Variants in ROR1 observed in about 807,000 individuals in gnomAD.
ROR1 encodes the protein inactive tyrosine-protein kinase transmembrane receptor ROR1.
A neutral mutation model predicts 78.8 loss-of-function variants in ROR1; 19 were observed. The observed-to-expected ratio is 0.24, with a 90% CI of 0.17 to 0.35. The LOEUF (loss-of-function observed/expected upper bound fraction) is 0.35, where lower values mean the gene tolerates loss of function less well. Ranked by LOEUF, ROR1 falls within the 10% of genes least tolerant of loss-of-function variation. ROR1 has a pLI of 1.00. For missense variants in ROR1, 917 were observed against 1,177.8 expected, an observed-to-expected ratio of 0.78 and a Z score of 3.24; for synonymous variants, 386 against 433.6, an observed-to-expected ratio of 0.89 and a Z score of 1.36.
chr1:64,107,218 A>G (rs1201807999), intron 4 of ROR1, among the ~76,000 whole-genome samples: 1 of 152,076 alleles, frequency 6.6e-6, no homozygotes, highest in Non-Finnish European at 1.5e-5. Flanking sequence ...TGTTGCCCCC[A>G]TTTTGCAGAC....
At chr1:63,799,559 T>A (rs1318380371) in intron 1 of ROR1, among the ~76,000 whole-genome samples, 1 of 152,158 alleles carries the variant, frequency 6.6e-6, no homozygotes, top group Non-Finnish European at 1.5e-5. Flanking sequence ...TGTTTATAGC[T>A]CTTAGTTCCT....
intron 4 of ROR1, among the ~76,000 whole-genome samples, chr1:64,083,777 C>T (rs1361371843): frequency 1.3e-4 from 20 of 152,022 alleles, no homozygotes; most frequent in Admixed American, 1.2e-3. Context: ...AAGAACCTCA[C>T]GCTTAGAATG....
At chr1:63,796,952 A>C (rs138643392) in intron 1 of ROR1, among the ~76,000 whole-genome samples, 55 of 152,316 alleles carry the variant, frequency 3.6e-4, no homozygotes, top group African/African-American at 1.1e-3. Flanking sequence ...TCAAGCATAT[A>C]TGAAAGTGCT....
chr1:64,098,854 A>C (rs1647405743), intron 4 of ROR1, among the ~76,000 whole-genome samples: 1 of 152,234 alleles, frequency 6.6e-6, no homozygotes, highest in South Asian at 2.1e-4. Context: ...CTAAATAAAT[A>C]GTTGCCCCAA....
intron 1 of ROR1, among the ~76,000 whole-genome samples, chr1:63,861,971 A>G (rs1645184901): frequency 6.6e-6 from 1 of 152,216 alleles, no homozygotes; most frequent in Admixed American, 6.5e-5. Context: ...CTATAAGGAA[A>G]AATAATATTA....
At chr1:64,166,843 A>T (rs970397793) in intron 8 of ROR1, among the ~76,000 whole-genome samples, 1 of 152,168 alleles carries the variant, frequency 6.6e-6, no homozygotes, top group Non-Finnish European at 1.5e-5. Context: ...GAGGGCTGGG[A>T]GGCTGCCCGG....
At chr1:63,993,187 T>C (rs1376085887) in intron 1 of ROR1, among the ~76,000 whole-genome samples, 1 of 152,190 alleles carries the variant, frequency 6.6e-6, no homozygotes, top group Non-Finnish European at 1.5e-5. Context: ...CAGTATCCCT[T>C]GGCAACCTGA....
chr1:64,090,057 C>T (rs909281945), intron 4 of ROR1, among the ~76,000 whole-genome samples: 1 of 152,138 alleles, frequency 6.6e-6, no homozygotes, highest in Admixed American at 6.6e-5. Flanking sequence ...TATGAGACCT[C>T]CCTAGCCACT....
At chr1:64,009,258 T>G in intron 1 of ROR1, 47 bp from the exon 2 acceptor site, 1 of 1,379,244 alleles carries the variant, frequency 7.3e-7, no homozygotes, top group Non-Finnish European at 1.0e-6. Flanking sequence ...AATTACTATA[T>G]TTAATATTGC....
chr1:63,990,194 G>A (rs1171742522), intron 1 of ROR1, among the ~76,000 whole-genome samples: 2 of 152,138 alleles, frequency 1.3e-5, no homozygotes, highest in Non-Finnish European at 2.9e-5. Context: ...ACCACAGAGG[G>A]CATTGGCTAG....
At chr1:63,838,546 T>TA (rs1645032080) in intron 1 of ROR1, among the ~76,000 whole-genome samples, 1 of 152,112 alleles carries the variant, frequency 6.6e-6, no homozygotes, top group South Asian at 2.1e-4. Context: ...AATATTTTTG[T>TA]ACAGCTATAC....
In ROR1 at chr1:64,178,657, CTCA is replaced by C; in HGVS notation, c.2620_2622del (p.Ser874del). The C allele has an allele frequency of 6.2e-7, 1 of 1,614,148 alleles. No homozygotes were observed. The highest frequency in any genetic ancestry group is 8.5e-7 in the Non-Finnish European group (1 of 1,180,038). On this transcript the variant is annotated inframe_deletion, in exon 9 of 9. Coordinates refer to ENST00000371079, the MANE Select transcript of ROR1 (RefSeq NM_005012.4). This position sits in a 1 kb window ranked among gnomAD's most constrained non-coding sequence, Gnocchi z 4.3. ...GCACTGGCCATGTGACTAGCTTGCCCTCATCAGGATCCAATCAGGAAGCAAATA... is the reference window on the plus strand; with the variant it reads ...GCACTGGCCATGTGACTAGCTTGCCCTCAGGATCCAATCAGGAAGCAAATA...
chr1:64,030,371 T>G (rs1409627790), intron 2 of ROR1, among the ~76,000 whole-genome samples: 1 of 152,202 alleles, frequency 6.6e-6, no homozygotes, highest in East Asian at 1.9e-4. Context: ...GAAGAACTTT[T>G]TAATAAATAA....
chr1:63,816,953 G>T (rs1469410469), intron 1 of ROR1, among the ~76,000 whole-genome samples: 1 of 152,184 alleles, frequency 6.6e-6, no homozygotes, highest in Non-Finnish European at 1.5e-5. Context: ...CACTGTGCTG[G>T]GCACTGGACT....
intron 8 of ROR1, among the ~76,000 whole-genome samples, chr1:64,162,991 G>C (rs1329879393): frequency 1.3e-5 from 2 of 152,054 alleles, no homozygotes; most frequent in Admixed American, 6.6e-5. Context: ...GAGCAGGGAG[G>C]GGGCAGAGTC....
At chr1:64,004,169 A>C (rs2100536663) in intron 1 of ROR1, among the ~76,000 whole-genome samples, 1 of 152,360 alleles carries the variant, frequency 6.6e-6, no homozygotes, top group Non-Finnish European at 1.5e-5. Flanking sequence ...ATTTTGGCGA[A>C]GCCACTTCCC....
intron 1 of ROR1, among the ~76,000 whole-genome samples, chr1:63,840,342 C>T (rs557627525): frequency 4.0e-5 from 6 of 148,576 alleles, no homozygotes; most frequent in East Asian, 2.0e-4. Context: ...TGCAATGGTG[C>T]GATCTCGGCT....
chr1:64,005,120 T>C (rs187322147), intron 1 of ROR1, among the ~76,000 whole-genome samples: 10 of 152,334 alleles, frequency 6.6e-5, no homozygotes, highest in African/African-American at 2.4e-4. Context: ...AAGAGCATGG[T>C]AAATGTGTTA....
At chr1:64,170,654 A>G (rs1345058837) in intron 8 of ROR1, among the ~76,000 whole-genome samples, 1 of 152,148 alleles carries the variant, frequency 6.6e-6, no homozygotes, top group African/African-American at 2.4e-5. Flanking sequence ...TTTATTTTCT[A>G]TTGCATTGTC....
Sources: gnomAD v4.1 joint callset for allele counts (sites outside exome capture counted in the v4.1 genomes callset) on GRCh38, gnomAD v4.1.1 for gene constraint, Gnocchi (gnomAD v3.1) non-coding constraint, MANE v1.5 for transcripts, NCBI Gene and HGNC (gene_info 2026-07-23, HGNC 2026-07-21) for gene names.